Variants in FLNB observed in about 807,000 individuals in gnomAD.
FLNB encodes filamin B.
FLNB carries 111 observed loss-of-function variants against 250.6 expected under a neutral mutation model. The ratio of observed to expected loss-of-function variants is 0.44; its 90% CI spans 0.38 to 0.52. FLNB has a LOEUF of 0.52. Among genes scored for constraint, FLNB ranks in the 20% least tolerant of loss-of-function variants. The pLI is 0.00. For missense variants in FLNB, 2,869 were observed against 3,447.8 expected (o/e 0.83, Z 4.20); for synonymous variants, 1,302 against 1,372.1 (o/e 0.95, Z 1.13).
intron 3 of FLNB, among the ~76,000 whole-genome samples, chr3:58,079,497 C>T (rs1243835581): frequency 3.3e-5 from 5 of 152,110 alleles, no homozygotes; most frequent in African/African-American, 7.2e-5. Context: ...GTGATCTGCC[C>T]GCCTCAGCCT....
At chr3:58,107,637 T>G (rs2097261789) in intron 12 of FLNB, among the ~76,000 whole-genome samples, 2 of 152,234 alleles carry the variant, frequency 1.3e-5, no homozygotes, top group African/African-American at 4.8e-5. Flanking sequence ...GGATTTTTTT[T>G]TCCTAGTTCC....
chr3:58,144,426 CG>C (rs1267844144), intron 32 of FLNB, among the ~76,000 whole-genome samples: 1 of 152,180 alleles, frequency 6.6e-6, no homozygotes, highest in African/African-American at 2.4e-5. Flanking sequence ...TCCATGCAAA[CG>C]GAAATACAGA....
intron 9 of FLNB, among the ~76,000 whole-genome samples, chr3:58,103,025 A>C (rs1373970267): frequency 6.6e-6 from 1 of 151,946 alleles, no homozygotes; most frequent in Non-Finnish European, 1.5e-5. Flanking sequence ...TGGTGGTTTT[A>C]CTCCCATGCC....
chr3:58,108,258 C>T (rs1299181750), intron 12 of FLNB, among the ~76,000 whole-genome samples, 200 bp from the exon 13 acceptor site: 1 of 152,162 alleles, frequency 6.6e-6, no homozygotes, highest in Non-Finnish European at 1.5e-5. Flanking sequence ...GAGTTTTCTC[C>T]CTTATGAGGG....
intron 1 of FLNB, among the ~76,000 whole-genome samples, chr3:58,057,249 T>G (rs979740458): frequency 8.5e-5 from 13 of 152,174 alleles, no homozygotes; most frequent in Non-Finnish European, 4.4e-5. Flanking sequence ...ATACCGGGAT[T>G]ACAGGCATGA....
chr3:58,037,058 CTTTTTTTTTTT>C (rs549716136), intron 1 of FLNB, among the ~76,000 whole-genome samples: 7,721 of 103,626 alleles, frequency 0.075, 708 homozygotes, highest in African/African-American at 0.25. Flanking sequence ...ACATTAGAGT[CTTTTTTTTTTT>C]TTTTTTTTTT....
intron 4 of FLNB, among the ~76,000 whole-genome samples, chr3:58,093,240 C>T (rs1352200655): frequency 5.9e-5 from 9 of 152,250 alleles, no homozygotes; most frequent in East Asian, 5.8e-4. Context: ...AGTTTAGAGG[C>T]GTTTTGAACA....
chr3:58,146,558 A>G, intron 33 of FLNB: 1 of 490,776 alleles, frequency 2.0e-6, no homozygotes, highest in South Asian at 2.1e-5. Context: ...TCCTTTTCTC[A>G]TCCCATGCAT....
At chr3:58,060,895 C>G (rs13067408) in intron 1 of FLNB, among the ~76,000 whole-genome samples, 1 of 151,850 alleles carries the variant, frequency 6.6e-6, no homozygotes, top group Non-Finnish European at 1.5e-5. Context: ...ATCGACTCCT[C>G]TGGCAAGCTG....
At chr3:58,114,831 G>A (rs762778942) in intron 18 of FLNB, among the ~76,000 whole-genome samples, 9 of 150,884 alleles carry the variant, frequency 6.0e-5, no homozygotes, top group Non-Finnish European at 1.0e-4. Context: ...ATCTTTTCAT[G>A]TGCTTATTGG....
At chr3:58,037,953 A>G (rs1401182064) in intron 1 of FLNB, among the ~76,000 whole-genome samples, 2 of 152,234 alleles carry the variant, frequency 1.3e-5, no homozygotes, top group Admixed American at 1.3e-4. Flanking sequence ...ATCAATGAAA[A>G]CAACGTGTTA....
intron 38 of FLNB, 38 bp downstream of exon 38, chr3:58,150,265 C>A (rs376312418): frequency 6.2e-7 from 1 of 1,613,736 alleles, no homozygotes; most frequent in East Asian, 2.2e-5. Flanking sequence ...GAAGCCTTGG[C>A]TCCAGCCTTC....
In FLNB at chr3:58,106,797, G is replaced by C. The variant is rs781564840; in HGVS notation, c.1865G>C (p.Cys622Ser). The change falls in exon 12 of 46, where the codon TGT becomes TCT. Residue 622 changes from cysteine to serine, a missense_variant. Transcript: ENST00000295956. Reference protein sequence around the residue: ...EPGEYAVHIMCDDEDIKDSPY... With the variant: ...EPGEYAVHIMSDDEDIKDSPY... ...GGCGAATATGCTGTTCACATCATGT[G>C]TGACGACGAAGACATCAAGGACAGC... The C allele has an allele frequency of 1.2e-6, 2 of 1,613,996 alleles. No individual in the cohort carries two copies. Among genetic ancestry groups the C allele is most frequent in the Non-Finnish European group, 1.7e-6 (2 of 1,180,024 alleles).
At chr3:58,119,749 C>T (rs1174843811) in intron 19 of FLNB, among the ~76,000 whole-genome samples, 2 of 152,162 alleles carry the variant, frequency 1.3e-5, no homozygotes, top group East Asian at 3.8e-4. Flanking sequence ...ACCCTCACCT[C>T]TCCTTCTCCC....
At chr3:58,140,059 A>G (rs1163400448) in intron 29 of FLNB, among the ~76,000 whole-genome samples, 2 of 152,166 alleles carry the variant, frequency 1.3e-5, no homozygotes, top group African/African-American at 4.8e-5. Context: ...ACGATCACCT[A>G]CAGTACCTGG....
At chr3:58,093,738 A>G (rs1051727350) in intron 4 of FLNB, among the ~76,000 whole-genome samples, 2 of 152,144 alleles carry the variant, frequency 1.3e-5, no homozygotes, top group Admixed American at 6.5e-5. Flanking sequence ...CAGTGGGCGA[A>G]TGGTTAAACT....
chr3:58,141,139 A>T (rs1040537964), intron 29 of FLNB, among the ~76,000 whole-genome samples: 1 of 151,988 alleles, frequency 6.6e-6, no homozygotes, highest in Non-Finnish European at 1.5e-5. Flanking sequence ...TCTAGTCCCA[A>T]CTGCTCAGGA....
chr3:58,084,399 G>A (rs899300462), intron 4 of FLNB, among the ~76,000 whole-genome samples: 1 of 152,028 alleles, frequency 6.6e-6, no homozygotes, highest in Non-Finnish European at 1.5e-5. Flanking sequence ...CTGGCCATCC[G>A]GCTTCCCTGT....
At chr3:58,117,317 T>C (rs185898473) in intron 18 of FLNB, among the ~76,000 whole-genome samples, 1 of 152,330 alleles carries the variant, frequency 6.6e-6, no homozygotes, top group African/African-American at 2.4e-5. Context: ...TAAGGTACAG[T>C]TCATTTTCTA....
Sources: allele counts gnomAD v4.1 joint callset (sites outside exome capture counted in the v4.1 genomes callset), GRCh38; gene constraint gnomAD v4.1.1; transcripts MANE v1.5; gene names NCBI Gene and HGNC (gene_info 2026-07-23, HGNC 2026-07-21).